Variants in LRSAM1 observed in about 807,000 individuals in gnomAD.
The protein encoded by LRSAM1 is E3 ubiquitin-protein ligase LRSAM1.
LRSAM1 carries 96 observed loss-of-function variants against 118.1 expected under a neutral mutation model. The ratio of observed to expected loss-of-function variants is 0.81; its 90% CI spans 0.69 to 0.96. The LOEUF (loss-of-function observed/expected upper bound fraction) is 0.96, where lower values mean the gene tolerates loss of function less well. LRSAM1 is among the 40% of genes least tolerant of loss of function. The pLI, the probability that LRSAM1 is intolerant of heterozygous loss-of-function variation, is 0.00. For synonymous variants in LRSAM1, 322 were observed against 364.2 expected (o/e 0.88, Z 1.32); for missense variants, 804 against 915.5 (o/e 0.88, Z 1.57).
intron 2 of LRSAM1, among the ~76,000 whole-genome samples, chr9:127,452,720 G>A (rs184375220): frequency 8.7e-4 from 132 of 152,326 alleles, no homozygotes; most frequent in Admixed American, 7.8e-3. Context: ...GGCTCTGAGA[G>A]GTGAACCAAG....
At position 127,473,239 on chromosome 9, in the gene LRSAM1, C is replaced by T. The variant is rs116606854; in HGVS notation, c.620-562C>T. 4.3e-4 allele frequency among the ~76,000 whole-genome samples: 65 copies of T among 152,294 alleles called. 1 individual carries two copies. The highest frequency in any genetic ancestry group is 1.9e-3 in the East Asian group (10 of 5,186). On this transcript the variant is annotated intron_variant, in intron 10 of 25. Transcript: ENST00000300417. ...ATCAAAACTTACAACTTGTTTACCC[C>T]GGAAGGACACCATCATCAAAGTTAA...
chr9:127,457,482 A>C, intron 6 of LRSAM1, 89 bp downstream of exon 6: 1 of 1,192,876 alleles, frequency 8.4e-7, no homozygotes, highest in South Asian at 1.3e-5. Context: ...TGCCTCTTGC[A>C]TGTCAGAGGG....
At chr9:127,483,202 A>G (rs571668638) in intron 16 of LRSAM1, among the ~76,000 whole-genome samples, 182 bp downstream of exon 16, 124 of 152,330 alleles carry the variant, frequency 8.1e-4, no homozygotes, top group African/African-American at 2.0e-3. Context: ...GCAGAGTCCC[A>G]GTTCAAACAC....
chr9:127,454,658 T>C, intron 3 of LRSAM1, 59 bp downstream of exon 3: 8 of 1,530,340 alleles, frequency 5.2e-6, no homozygotes, highest in South Asian at 1.1e-5. Flanking sequence ...CCCCATGGAG[T>C]AGGCCTCCGC....
rs1834896235 is a variant in LRSAM1 at position 127,465,604 on chromosome 9, C to T, written c.529-2136C>T. On this transcript the variant is annotated intron_variant, in intron 9 of 25. Transcript: ENST00000300417. The surrounding 1 kb of genome is among the most constrained non-coding windows in gnomAD (Gnocchi z 4.1). ...CTCTTCCCTGGGGCAGTCTCCCACT[C>T]CCTGTGCAAAGCACGTTCACTCAAC... 6.6e-6 allele frequency among the ~76,000 whole-genome samples: 1 copy of T among 152,224 alleles called. No individual in the cohort carries two copies. The highest frequency in any genetic ancestry group is 1.5e-5 in the Non-Finnish European group (1 of 68,038).
Position 127,462,287 on chromosome 9 carries a change from G to C in LRSAM1, c.442G>C (p.Glu148Gln), listed in dbSNP as rs1834777396. Residue 148 changes from glutamate (E) to glutamine (Q), a missense_variant, in exon 9 of 26, where the codon GAG becomes CAG. Coordinates refer to ENST00000300417, the MANE Select transcript of LRSAM1 (RefSeq NM_001005373.4). ...GAAGGAGCTTCCAGACACCGTGGGGGAGCTTCGAAGCCTGCGTACCCTCAA... is the reference window on the plus strand; with the variant it reads ...GAAGGAGCTTCCAGACACCGTGGGGCAGCTTCGAAGCCTGCGTACCCTCAA... ...KLKELPDTVGELRSLRTLNIS... is the reference protein window; with the variant it reads ...KLKELPDTVGQLRSLRTLNIS... 1 of 1,614,100 alleles carries C rather than the reference G, an allele frequency of 6.2e-7. No individual in the cohort carries two copies. The highest frequency in any genetic ancestry group is 8.5e-7 in the Non-Finnish European group (1 of 1,180,010).
intron 10 of LRSAM1, among the ~76,000 whole-genome samples, 158 bp downstream of exon 10, chr9:127,467,988 G>A (rs1292308687): frequency 6.6e-6 from 1 of 152,212 alleles, no homozygotes; most frequent in Non-Finnish European, 1.5e-5. Context: ...CAAAACAAAT[G>A]TTTACACAGG....
Position 127,481,184 on chromosome 9 carries a change from CAAAA to C in LRSAM1, c.1046_1049del (p.Gln349ArgfsTer7). The C allele has an allele frequency of 2.5e-6, 4 of 1,613,396 alleles. No individual in the cohort carries two copies. The highest frequency in any genetic ancestry group is 3.4e-6 in the Non-Finnish European group (4 of 1,179,902). On this transcript the variant is annotated frameshift_variant and splice_region_variant, in exon 15 of 26. Transcript: ENST00000300417. LOFTEE classifies it high-confidence loss of function. The stretch of plus-strand genomic sequence containing the variant: ...GACCTTTTATGATTTTCTCCACAGA[CAAAA>C]GAAAAGCTCCGAGATTTTGAAATCG...
intron 7 of LRSAM1, 133 bp downstream of exon 7, chr9:127,459,204 T>G: frequency 1.2e-6 from 1 of 803,842 alleles, no homozygotes; most frequent in Non-Finnish European, 2.0e-6. Context: ...CACCCTCCCC[T>G]TGGCCCTTTG....
At chr9:127,499,300 G>A (rs1836279358) in intron 24 of LRSAM1, among the ~76,000 whole-genome samples, 1 of 152,108 alleles carries the variant, frequency 6.6e-6, no homozygotes, top group Admixed American at 6.6e-5. Context: ...CTTGAGCTTG[G>A]GAGGTCGAGG....
chr9:127,474,661 C>T (rs548063936), intron 11 of LRSAM1, among the ~76,000 whole-genome samples: 2 of 152,318 alleles, frequency 1.3e-5, no homozygotes, highest in East Asian at 1.9e-4. Flanking sequence ...TGCTATCTCT[C>T]AGCAAATACT....
Position 127,502,980 on chromosome 9 carries a change from G to A in LRSAM1, c.*81G>A, listed in dbSNP as rs1440563838. 2.0e-6 allele frequency: 3 copies of A among 1,535,100 alleles called. No homozygotes were observed. The highest frequency in any genetic ancestry group is 2.4e-5 in the East Asian group (1 of 40,890). On this transcript the variant is annotated 3_prime_UTR_variant, in exon 26 of 26. Transcript: ENST00000300417. ...CGGGCTCCTGCTCAGCCTTGTGCCA[G>A]CCAGACTCGTATGAGGCTCCCCCCT...
At chr9:127,488,599 C>CTTT (rs111724344) in intron 18 of LRSAM1, among the ~76,000 whole-genome samples, 1 of 143,568 alleles carries the variant, frequency 7.0e-6, no homozygotes, top group East Asian at 2.0e-4. Context: ...CTTTTCTTTT[C>CTTT]TTTTTTTTTT....
At chr9:127,474,051 C>A in intron 11 of LRSAM1, 120 bp downstream of exon 11, 1 of 1,487,906 alleles carries the variant, frequency 6.7e-7, no homozygotes, top group Non-Finnish European at 9.2e-7. Context: ...CCAGATTCCT[C>A]CATAGAACTA....
chr9:127,454,410 C>T, intron 2 of LRSAM1, 86 bp from the exon 3 acceptor site: 1 of 982,848 alleles, frequency 1.0e-6, no homozygotes, highest in East Asian at 2.5e-5. Flanking sequence ...AGACCAGCTG[C>T]ATGCTCTGTG....
At position 127,489,533 on chromosome 9, in the gene LRSAM1, T is replaced by C; in HGVS notation, c.1422+15T>C. 1 of 1,598,126 alleles carries C rather than the reference T, an allele frequency of 6.3e-7. No individual in the cohort carries two copies. Among genetic ancestry groups the C allele is most frequent in the African/African-American group, 1.4e-5 (1 of 73,616 alleles). ...TCAGGAGCCAGGTGAGCGCTGGGGC[T>C]GGGGTCCCTGGACCTGCTCTCTCAG... is the stretch of plus-strand genomic sequence containing the variant. On this transcript the variant is annotated intron_variant, in intron 19 of 25. Coordinates refer to ENST00000300417, the MANE Select transcript of LRSAM1 (RefSeq NM_001005373.4).
At chr9:127,473,684 G>C (rs542353303) in intron 10 of LRSAM1, 117 bp from the exon 11 acceptor site, 378 of 1,418,720 alleles carry the variant, frequency 2.7e-4, no homozygotes, top group South Asian at 5.5e-4. Context: ...GGCTAGGGAA[G>C]AGGAGAGCAG....
At chr9:127,500,148 GT>G (rs1173938228) in intron 24 of LRSAM1, among the ~76,000 whole-genome samples, 1 of 118,446 alleles carries the variant, frequency 8.4e-6, no homozygotes. Flanking sequence ...ATCACCTGAA[GT>G]CAAAAGCTTG....
Position 127,454,751 on chromosome 9 carries a change from G to T in LRSAM1, c.72+152G>T, listed in dbSNP as rs917571389. 54 of 930,616 alleles carry T rather than the reference G, an allele frequency of 5.8e-5. No homozygotes were observed. In the African/African-American group the frequency reaches 8.2e-4, roughly 14 times the overall value. 57.6% of individuals were successfully genotyped at this position (930,616 alleles called of 1,614,324 possible). ...ATTTGACTTAGACCCAACAGATGAG[G>T]CCCCCTGCCAAGGGTGCTTCTCCCC... is the stretch of plus-strand genomic sequence containing the variant. On this transcript the variant is annotated intron_variant, in intron 3 of 25. Coordinates refer to ENST00000300417, the MANE Select transcript of LRSAM1 (RefSeq NM_001005373.4).
Sources: allele counts gnomAD v4.1 joint callset (sites outside exome capture counted in the v4.1 genomes callset), GRCh38; gene constraint gnomAD v4.1.1; non-coding constraint Gnocchi (gnomAD v3.1); transcripts MANE v1.5; gene names NCBI Gene and HGNC (gene_info 2026-07-23, HGNC 2026-07-21).